SEM1: variants seen among roughly 807,000 people sequenced by gnomAD.
The protein encoded by SEM1 is SEM1 26S proteasome subunit.
Under a neutral mutation model 12.7 loss-of-function variants are expected in SEM1, and 3 were observed. The observed-to-expected ratio is 0.24, with a 90% CI of 0.11 to 0.61. The LOEUF is 0.61. Ranked by LOEUF, SEM1 falls within the 20% of genes least tolerant of loss-of-function variation. The pLI, the probability that SEM1 is intolerant of heterozygous loss-of-function variation, is 0.88. For missense variants in SEM1, 59 were observed against 81.3 expected (o/e 0.73, Z 1.06); for synonymous variants, 30 against 27.8 (o/e 1.08, Z -0.25).
At chr7:96,612,092 A>T (rs1807557678) in intron 2 of SEM1, among the ~76,000 whole-genome samples, 1 of 152,206 alleles carries the variant, frequency 6.6e-6, no homozygotes, top group Non-Finnish European at 1.5e-5. Flanking sequence ...AATAAGCATT[A>T]TTGCAACATT....
chr7:96,504,329 G>A (rs1396809915), intron 3 of SEM1, among the ~76,000 whole-genome samples: 1 of 152,078 alleles, frequency 6.6e-6, no homozygotes, highest in East Asian at 1.9e-4. Context: ...AGACTCCTAA[G>A]CAAAGCTTGG....
chr7:96,511,407 T>G (rs2117299649), intron 2 of SEM1, among the ~76,000 whole-genome samples: 1 of 152,268 alleles, frequency 6.6e-6, no homozygotes, highest in Middle Eastern at 3.4e-3. Flanking sequence ...TCTTTTTGAT[T>G]GAAGAATTAT....
At chr7:96,508,344 A>G (rs962581701) in intron 2 of SEM1, among the ~76,000 whole-genome samples, 2 of 152,122 alleles carry the variant, frequency 1.3e-5, no homozygotes, top group African/African-American at 4.8e-5. Flanking sequence ...GATAAGAGAA[A>G]TAGAGGGAAA....
chr7:96,631,796 A>G (rs1017527386), intron 2 of SEM1, among the ~76,000 whole-genome samples: 4 of 152,226 alleles, frequency 2.6e-5, no homozygotes, highest in African/African-American at 9.6e-5. Flanking sequence ...AATTTTTGCA[A>G]TGTATCCATC....
intron 2 of SEM1, among the ~76,000 whole-genome samples, chr7:96,606,585 G>GA (rs1029514419): frequency 4.6e-5 from 7 of 151,696 alleles, no homozygotes; most frequent in Admixed American, 2.0e-4. Flanking sequence ...ACAACTATTA[G>GA]AAAAAAAAGT....
chr7:96,537,458 C>A (rs1463667466), intron 2 of SEM1, among the ~76,000 whole-genome samples: 4 of 151,660 alleles, frequency 2.6e-5, no homozygotes, highest in Admixed American at 1.3e-4. Flanking sequence ...TGATTAATTA[C>A]CTCAGTTTTT....
chr7:96,581,801 T>C (rs1806420416), intron 2 of SEM1, among the ~76,000 whole-genome samples: 1 of 151,344 alleles, frequency 6.6e-6, no homozygotes, highest in East Asian at 1.9e-4. Flanking sequence ...AGAATGCTTG[T>C]GATTTTTGTA....
At chr7:96,539,126 C>G (rs1032254660) in intron 2 of SEM1, among the ~76,000 whole-genome samples, 2 of 151,780 alleles carry the variant, frequency 1.3e-5, no homozygotes, top group African/African-American at 4.8e-5. Flanking sequence ...CATCAGCCCT[C>G]AAGGAACTGA....
chr7:96,622,061 A>C (rs1259723423), downstream of SEM1: 1 of 152,444 alleles, frequency 6.6e-6, no homozygotes, highest in Non-Finnish European at 1.5e-5. Flanking sequence ...GTAAGCCAGT[A>C]AGTGTGAAGT....
chr7:96,582,086 C>G (rs1454480846), intron 2 of SEM1, among the ~76,000 whole-genome samples: 11 of 147,122 alleles, frequency 7.5e-5, no homozygotes, highest in Non-Finnish European at 9.0e-5. Flanking sequence ...TTTGCCCATT[C>G]AGTATGATAT....
chr7:96,574,660 CT>C (rs1481554747), intron 2 of SEM1, among the ~76,000 whole-genome samples: 1 of 152,102 alleles, frequency 6.6e-6, no homozygotes, highest in African/African-American at 2.4e-5. Context: ...TTATTCATTC[CT>C]TTTCATTCTT....
intron 2 of SEM1, among the ~76,000 whole-genome samples, chr7:96,597,472 A>G (rs1807039410): frequency 6.6e-6 from 1 of 152,114 alleles, no homozygotes; most frequent in Admixed American, 6.6e-5. Context: ...CCTAGTGGTC[A>G]AACTGTAGGC....
chr7:96,512,967 A>T (rs1193203282), intron 2 of SEM1, among the ~76,000 whole-genome samples: 1 of 152,108 alleles, frequency 6.6e-6, no homozygotes, highest in South Asian at 2.1e-4. Context: ...CCATGGATTG[A>T]ATTACACACT....
upstream of SEM1, among the ~76,000 whole-genome samples, chr7:96,497,008 T>C (rs4640991): frequency 0.58 from 68,970 of 119,376 alleles, 16,320 homozygotes; most frequent in East Asian, 0.81. Context: ...CGAGCACGTA[T>C]ACACACACAC....
chr7:96,693,589 A>G (rs530652402), intron 2 of SEM1, among the ~76,000 whole-genome samples: 68 of 152,070 alleles, frequency 4.5e-4, no homozygotes, highest in Non-Finnish European at 7.7e-4. Flanking sequence ...GCTATAATTT[A>G]AAACAAAAAA....
chr7:96,675,806 T>C (rs1789438347), intron 2 of SEM1, among the ~76,000 whole-genome samples: 1 of 152,120 alleles, frequency 6.6e-6, no homozygotes, highest in Admixed American at 6.6e-5. Context: ...TGCCAAATCC[T>C]TTGCAGCAGC....
In SEM1 at chr7:96,694,861, GCATCTT is replaced by G. The variant is rs1257920208; in HGVS notation, c.101_106del (p.Glu34_Asp35del). The G allele has an allele frequency of 6.8e-6, 11 of 1,610,132 alleles. No individual in the cohort carries two copies. The highest frequency in any genetic ancestry group is 1.3e-5 in the African/African-American group (1 of 74,772). ...ATCCCAATTATCCTCCCAGACATGT[GCATCTT>G]CATCTTCATCTAAGCCAGCCCAGTC... is the stretch of plus-strand genomic sequence containing the variant. On this transcript the variant is annotated inframe_deletion, in exon 2 of 3. Transcript: ENST00000248566.
At chr7:96,619,551 T>C (rs1807825796), downstream of SEM1, among the ~76,000 whole-genome samples, 1 of 152,134 alleles carries the variant, frequency 6.6e-6, no homozygotes, top group African/African-American at 2.4e-5. Context: ...TACTGGATTC[T>C]AGAGGGCTTC....
chr7:96,524,311 A>G lies in SEM1; in HGVS notation c.171-17613T>C, dbSNP rs140752530. 3.6e-3 allele frequency among the ~76,000 whole-genome samples: 552 copies of G among 152,300 alleles called. 3 individuals are homozygous for G. Among genetic ancestry groups the G allele is most frequent in the African/African-American group, 0.012 (505 of 41,578 alleles). ...AAAAGATATAGACCAAAGCTGCTCAATAGAACTCCTGCGATGATGTCAGTG... is the reference window on the plus strand; with the variant it reads ...AAAAGATATAGACCAAAGCTGCTCAGTAGAACTCCTGCGATGATGTCAGTG... On this transcript the variant is annotated intron_variant and NMD_transcript_variant, in intron 2 of 3. Coordinates refer to the SEM1 transcript ENST00000466986.
Sources: allele counts gnomAD v4.1 joint callset (sites outside exome capture counted in the v4.1 genomes callset), GRCh38; gene constraint gnomAD v4.1.1; transcripts MANE v1.5; gene names NCBI Gene and HGNC (gene_info 2026-07-23, HGNC 2026-07-21).